LIPE: variants seen among roughly 807,000 people sequenced by gnomAD.
The protein encoded by LIPE is lipase E, hormone sensitive type.
Under a neutral mutation model 88.5 loss-of-function variants are expected in LIPE, and 66 were observed. That is an observed-to-expected ratio of 0.75 (90% CI 0.61 to 0.91). The LOEUF is 0.91. LIPE is among the 40% of genes least tolerant of loss of function. The pLI is 0.00. For missense variants in LIPE, 1,346 were observed against 1,434.7 expected (o/e 0.94, Z 1.00); for synonymous variants, 570 against 617.5 (o/e 0.92, Z 1.14).
chr19:42,407,327 A>G lies in LIPE; in HGVS notation c.1984T>C (p.Ser662Pro). 6.2e-7 allele frequency: 1 copy of G among 1,612,290 alleles called. No homozygotes were observed. The highest frequency in any genetic ancestry group is 8.5e-7 in the Non-Finnish European group (1 of 1,179,396). The stretch of plus-strand genomic sequence containing the variant: ...CAGCTCTTGAGGTAGGGCTCGTGGG[A>G]TCTGGAGGTCTGGGCCACAAAGCCA... ...GGGFVAQTSRSHEPYLKSWAQ... is the reference protein window; with the variant it reads ...GGGFVAQTSRPHEPYLKSWAQ... The change falls in exon 6 of 10, where the codon TCC (serine) becomes CCC (proline). Residue 662 changes from serine to proline, a missense_variant. Transcript: ENST00000244289. The surrounding 1 kb of genome is among the most constrained non-coding windows in gnomAD (Gnocchi z 5.8).
intron 1 of LIPE, chr19:42,423,419 C>T (rs2040640705): frequency 3.1e-6 from 4 of 1,289,610 alleles, no homozygotes; most frequent in Non-Finnish European, 3.0e-6. Context: ...GCGCGCTCAC[C>T]TTTGGCCTTG....
chr19:42,407,473 G>A lies in LIPE; in HGVS notation c.1843-5C>T. 6.2e-7 allele frequency: 1 copy of A among 1,607,246 alleles called. No individual in the cohort carries two copies. Among genetic ancestry groups the A allele is most frequent in the Non-Finnish European group, 8.5e-7 (1 of 1,175,164 alleles). ...GCTGCTGAGCTCCTCACTGTCCTGG[G>A]GGTGAGGAGGGAGACGGTGTGTGAG... On this transcript the variant is annotated splice_region_variant and splice_polypyrimidine_tract_variant and intron_variant, in intron 5 of 9. Coordinates refer to ENST00000244289, the MANE Select transcript of LIPE (RefSeq NM_005357.4). The surrounding 1 kb of genome is among the most constrained non-coding windows in gnomAD (Gnocchi z 5.8).
intron 1 of LIPE, among the ~76,000 whole-genome samples, 166 bp downstream of exon 1, chr19:42,426,101 C>CTTTTT (rs1030833973): frequency 3.2e-4 from 33 of 104,092 alleles, no homozygotes; most frequent in African/African-American, 1.3e-3. Context: ...TGCGCCCAGC[C>CTTTTT]TTTTTTTTTT....
rs1568602095 is a variant in LIPE at position 42,408,437 on chromosome 19, G to A, written c.1420-115C>T. On this transcript the variant is annotated intron_variant, in intron 2 of 9. Transcript: ENST00000244289. The surrounding 1 kb of genome is among the most constrained non-coding windows in gnomAD (Gnocchi z 4.3). ...CATTCATTCAGTAAACGTTTCATGA[G>A]CTCCTACTGTGTGCTGGGCATAGCT... is the stretch of plus-strand genomic sequence containing the variant. 4.8e-6 allele frequency: 4 copies of A among 827,452 alleles called. No individual in the cohort carries two copies. The highest frequency in any genetic ancestry group is 6.1e-6 in the Non-Finnish European group (3 of 488,928). The allele number at this position is 827,452 out of a possible 1,614,324, so 51.3% of individuals were successfully genotyped here.
In LIPE at chr19:42,402,989, G is replaced by C; in HGVS notation, c.2585C>G (p.Pro862Arg). 1 of 1,599,806 alleles carries C rather than the reference G, an allele frequency of 6.3e-7. No individual in the cohort carries two copies. The highest frequency in any genetic ancestry group is 1.1e-5 in the South Asian group (1 of 90,754). The stretch of plus-strand genomic sequence containing the variant: ...GGAATCCGTGCCCAGTGGGCCCTGG[G>C]GCTGGGCCAGTGCTGCTTCAGACAC... ...RSVSEAALAQ[P>R]QGPLGTDSLK... The change falls in exon 9 of 10, where the codon CCC becomes CGC. Residue 862 changes from proline to arginine, a missense_variant. Pro to Arg is a moderately radical substitution (Grantham distance 103). Coordinates refer to ENST00000244289, the MANE Select transcript of LIPE (RefSeq NM_005357.4).
At position 42,406,105 on chromosome 19, in the gene LIPE, T is replaced by C; in HGVS notation, c.2365+56A>G. 2 of 1,481,056 alleles carry C rather than the reference T, an allele frequency of 1.4e-6. No individual in the cohort carries two copies. Among genetic ancestry groups the C allele is most frequent in the Non-Finnish European group, 1.9e-6 (2 of 1,076,080 alleles). 91.7% of individuals were successfully genotyped at this position (1,481,056 alleles called of 1,614,324 possible). The stretch of plus-strand genomic sequence containing the variant: ...GGAGTCCTGGTCCCCAGCCCGTCCC[T>C]GCAGGAGTCAGACATCCATGCAGTC... On this transcript the variant is annotated intron_variant, in intron 7 of 9. Transcript: ENST00000244289. This position sits in a 1 kb window ranked among gnomAD's most constrained non-coding sequence, Gnocchi z 5.7.
chr19:42,403,898 T>C (rs991230468), intron 8 of LIPE, among the ~76,000 whole-genome samples: 16 of 152,006 alleles, frequency 1.1e-4, no homozygotes, highest in Non-Finnish European at 2.4e-4. Flanking sequence ...TTCCTTTGTG[T>C]TCTTCAGTTT....
chr19:42,420,632 T>A (rs533544897), intron 1 of LIPE, among the ~76,000 whole-genome samples: 17 of 151,954 alleles, frequency 1.1e-4, no homozygotes, highest in Non-Finnish European at 1.5e-5. Context: ...CCACTATGCC[T>A]ACTAAAGGCC....
At chr19:42,424,343 C>T (rs1418581324) in intron 1 of LIPE, 2 of 457,014 alleles carry the variant, frequency 4.4e-6, no homozygotes, top group African/African-American at 2.0e-5. Flanking sequence ...CTTGCTCACA[C>T]GCACACAGCC....
chr19:42,401,664 C>A lies in LIPE; in HGVS notation c.*148G>T. ...CGGTGACCGGTGTGTGTGCGCGTCC[C>A]CCTCCCCGTGGCGAGGGTCTCAGCT... On this transcript the variant is annotated 3_prime_UTR_variant, in exon 10 of 10. Coordinates refer to ENST00000244289, the MANE Select transcript of LIPE (RefSeq NM_005357.4). The A allele has an allele frequency of 1.7e-6, 1 of 601,756 alleles. No individual in the cohort carries two copies. Among genetic ancestry groups the A allele is most frequent in the Non-Finnish European group, 2.7e-6 (1 of 368,480 alleles). 37.3% of individuals were successfully genotyped at this position (601,756 alleles called of 1,614,324 possible).
intron 1 of LIPE, among the ~76,000 whole-genome samples, chr19:42,421,008 C>T (rs1163982961): frequency 6.6e-6 from 1 of 152,168 alleles, no homozygotes; most frequent in Admixed American, 6.5e-5. Context: ...AATTGATCCT[C>T]CCACCTCAGC....
intron 8 of LIPE, among the ~76,000 whole-genome samples, chr19:42,404,745 T>A (rs986676606): frequency 2.0e-5 from 3 of 152,222 alleles, no homozygotes; most frequent in African/African-American, 7.2e-5. Context: ...GCCCAGAGGG[T>A]CACTGGAACA....
In LIPE at chr19:42,403,987, T is replaced by G. The variant is rs1237179344; in HGVS notation, c.2543-956A>C. 7.2e-5 allele frequency among the ~76,000 whole-genome samples: 11 copies of G among 152,086 alleles called. 1 individual carries two copies. Among genetic ancestry groups the G allele is most frequent in the Admixed American group, 7.2e-4 (11 of 15,268 alleles). ...TTCCAGCCCACCTGGCGTGCCCAGCTTGGCCTCAGCTCTGTTCATTTTATC... is the reference window on the plus strand; with the variant it reads ...TTCCAGCCCACCTGGCGTGCCCAGCGTGGCCTCAGCTCTGTTCATTTTATC... On this transcript the variant is annotated intron_variant, in intron 8 of 9. Coordinates refer to ENST00000244289, the MANE Select transcript of LIPE (RefSeq NM_005357.4).
Position 42,407,084 on chromosome 19 carries a change from T to A in LIPE, c.2137+90A>T. 8.8e-7 allele frequency: 1 copy of A among 1,141,170 alleles called. No homozygotes were observed. Among genetic ancestry groups the A allele is most frequent in the Non-Finnish European group, 1.2e-6 (1 of 831,912 alleles). The allele number at this position is 1,141,170 out of a possible 1,614,324, so 70.7% of individuals were successfully genotyped here. ...TGGGAGGTGTGGGGGGAGAGAAAGGTAGAGGGTGTGAGGCTGAGGCTGGAG... is the reference window on the plus strand; with the variant it reads ...TGGGAGGTGTGGGGGGAGAGAAAGGAAGAGGGTGTGAGGCTGAGGCTGGAG... On this transcript the variant is annotated intron_variant, in intron 6 of 9. Coordinates refer to ENST00000244289, the MANE Select transcript of LIPE (RefSeq NM_005357.4). This position sits in a 1 kb window ranked among gnomAD's most constrained non-coding sequence, Gnocchi z 5.8.
intron 1 of LIPE, chr19:42,412,704 A>T: frequency 1.7e-5 from 5 of 302,868 alleles, no homozygotes; most frequent in Non-Finnish European, 2.4e-5. Flanking sequence ...TTTAGGACCC[A>T]GGAGTCCTAG....
At chr19:42,413,525 G>T (rs536543822) in intron 1 of LIPE, among the ~76,000 whole-genome samples, 2 of 152,204 alleles carry the variant, frequency 1.3e-5, no homozygotes, top group South Asian at 4.1e-4. Context: ...AATTAGCCGG[G>T]CATGGTGGTG....
At chr19:42,417,960 G>T (rs964878009) in intron 1 of LIPE, among the ~76,000 whole-genome samples, 3 of 151,658 alleles carry the variant, frequency 2.0e-5, no homozygotes, top group Admixed American at 6.6e-5. Context: ...TAGAGCACCA[G>T]CAGGCTTTGA....
chr19:42,405,709 C>T, intron 7 of LIPE, 148 bp from the exon 8 acceptor site: 3 of 738,208 alleles, frequency 4.1e-6, no homozygotes, highest in Non-Finnish European at 6.5e-6. Flanking sequence ...GTGGCTCACG[C>T]CTGTAGTCCC....
At chr19:42,403,292 T>TGAGTGA (rs1555787937) in intron 8 of LIPE, among the ~76,000 whole-genome samples, 2 of 129,094 alleles carry the variant, frequency 1.5e-5, no homozygotes, top group Non-Finnish European at 3.3e-5. Context: ...TGTGTGTGTG[T>TGAGTGA]GACTGGGAAG....
Sources: gnomAD v4.1 joint callset for allele counts (sites outside exome capture counted in the v4.1 genomes callset) on GRCh38, gnomAD v4.1.1 for gene constraint, Gnocchi (gnomAD v3.1) non-coding constraint, MANE v1.5 for transcripts, NCBI Gene and HGNC (gene_info 2026-07-23, HGNC 2026-07-21) for gene names.